SORBS2: variants seen among roughly 807,000 people sequenced by gnomAD.
SORBS2 encodes the protein sorbin and SH3 domain containing 2, also known as sorbin and SH3 domain-containing protein 2.
A neutral mutation model predicts 97.7 loss-of-function variants in SORBS2; 46 were observed. That is an observed-to-expected ratio of 0.47 (90% CI 0.37 to 0.60). SORBS2 has a LOEUF of 0.60. Ranked by LOEUF, SORBS2 falls within the 20% of genes least tolerant of loss-of-function variation. The pLI, the probability that SORBS2 is intolerant of heterozygous loss-of-function variation, is 0.00. For missense variants in SORBS2, 1,316 were observed against 1,282.3 expected (o/e 1.03, Z -0.40); for synonymous variants, 476 against 473.4 (o/e 1.01, Z -0.07).
intron 4 of SORBS2, among the ~76,000 whole-genome samples, chr4:185,631,815 A>G (rs1258572928): frequency 6.6e-6 from 1 of 152,166 alleles, no homozygotes; most frequent in Non-Finnish European, 1.5e-5. Flanking sequence ...AAAACAAAAC[A>G]AAAGTATAAA....
intron 1 of SORBS2, among the ~76,000 whole-genome samples, chr4:185,863,847 C>T (rs1017742445): frequency 6.6e-6 from 1 of 152,098 alleles, no homozygotes; most frequent in African/African-American, 2.4e-5. Context: ...TTAATTTTCT[C>T]CCCATTTTAG....
chr4:185,899,248 T>C (rs937067291), intron 1 of SORBS2, among the ~76,000 whole-genome samples: 19 of 152,064 alleles, frequency 1.2e-4, no homozygotes, highest in African/African-American at 4.6e-4. Context: ...CAGCGGATAA[T>C]CCAAGCTGGG....
intron 2 of SORBS2, chr4:185,773,913 T>G (rs2098986356): frequency 6.6e-6 from 1 of 151,932 alleles, no homozygotes; most frequent in African/African-American, 2.4e-5. Flanking sequence ...AGCAGAAGTT[T>G]CACTCGTAAA....
At chr4:185,780,035 G>A (rs752938723) in intron 1 of SORBS2, among the ~76,000 whole-genome samples, 1 of 93,788 alleles carries the variant, frequency 1.1e-5, no homozygotes, top group African/African-American at 4.0e-5. Flanking sequence ...TTTTTTTTGA[G>A]ACGGAGTTTT....
chr4:185,885,184 G>C lies in SORBS2; in HGVS notation c.-338+71012C>G, dbSNP rs979107235. On this transcript the variant is annotated intron_variant, in intron 1 of 20. Transcript: ENST00000284776. ...CTGTTAAGGCGTAAGCTAGAAGTAAGTGGTCTTTGTAGCCCTCTGATGGCT... is the reference window on the plus strand; with the variant it reads ...CTGTTAAGGCGTAAGCTAGAAGTAACTGGTCTTTGTAGCCCTCTGATGGCT... Among the ~76,000 whole-genome samples the C allele has an allele frequency of 7.8e-4, 119 of 152,226 alleles. 1 individual carries two copies. The highest frequency in any genetic ancestry group is 8.8e-5 in the Non-Finnish European group (6 of 68,046).
intron 1 of SORBS2, among the ~76,000 whole-genome samples, chr4:185,868,266 C>T (rs2099228365): frequency 6.7e-6 from 1 of 150,348 alleles, no homozygotes; most frequent in Non-Finnish European, 1.5e-5. Flanking sequence ...AAGCGATTCT[C>T]CTGCCTCAGC....
intron 2 of SORBS2, among the ~76,000 whole-genome samples, chr4:185,747,056 C>T (rs2098766112): frequency 6.6e-6 from 1 of 152,116 alleles, no homozygotes; most frequent in South Asian, 2.1e-4. Flanking sequence ...GCACTCCAGC[C>T]TGGGCAACAG....
chr4:185,621,231 T>G (rs1561461111), intron 7 of SORBS2, among the ~76,000 whole-genome samples: 1 of 152,224 alleles, frequency 6.6e-6, no homozygotes, highest in African/African-American at 2.4e-5. Context: ...TTGACTACTT[T>G]GATGATGTAA....
chr4:185,692,824 A>G (rs1457639728), intron 2 of SORBS2, among the ~76,000 whole-genome samples: 1 of 150,178 alleles, frequency 6.7e-6, no homozygotes, highest in Admixed American at 6.7e-5. Context: ...ACACACACGT[A>G]TATTTGCCTA....
intron 1 of SORBS2, among the ~76,000 whole-genome samples, chr4:185,956,027 A>AT (rs1411163236): frequency 6.6e-6 from 1 of 152,258 alleles, no homozygotes; most frequent in African/African-American, 2.4e-5. Flanking sequence ...GTGTTCCTTT[A>AT]TTCTGCTTAG....
At chr4:185,754,218 G>A (rs907625026) in intron 2 of SORBS2, among the ~76,000 whole-genome samples, 1 of 152,132 alleles carries the variant, frequency 6.6e-6, no homozygotes, top group South Asian at 2.1e-4. Context: ...AATTCTACAT[G>A]TTCTCAAGTA....
intron 1 of SORBS2, among the ~76,000 whole-genome samples, chr4:185,908,336 AAT>A (rs1271636759): frequency 2.3e-5 from 3 of 132,622 alleles, no homozygotes; most frequent in South Asian, 2.4e-4. Flanking sequence ...TATACACACA[AAT>A]ATATATATAT....
intron 2 of SORBS2, among the ~76,000 whole-genome samples, chr4:185,718,230 GA>G (rs71593645): frequency 0.014 from 1,818 of 134,594 alleles, 42 homozygotes; most frequent in African/African-American, 0.047. Flanking sequence ...CTGTCTCAAA[GA>G]AAAAAAAAAA....
At chr4:185,751,667 A>C (rs1378097796) in intron 2 of SORBS2, among the ~76,000 whole-genome samples, 1 of 152,152 alleles carries the variant, frequency 6.6e-6, no homozygotes, top group Non-Finnish European at 1.5e-5. Context: ...GCACACGTAC[A>C]CATGAACGAA....
chr4:185,757,319 T>C (rs2098837388), intron 2 of SORBS2: 1 of 190,362 alleles, frequency 5.3e-6, no homozygotes, highest in Admixed American at 5.6e-5. Flanking sequence ...GGACAGGAAA[T>C]GCACCTATGT....
chr4:185,939,699 G>C lies in SORBS2; in HGVS notation c.-338+16497C>G, dbSNP rs1254770568. Among the ~76,000 whole-genome samples the C allele has an allele frequency of 4.6e-5, 7 of 152,082 alleles. No homozygotes were observed. In the East Asian group the frequency reaches 9.7e-4, roughly 21 times the overall value. On this transcript the variant is annotated intron_variant, in intron 1 of 20. Coordinates refer to the SORBS2 transcript ENST00000284776. ...CTAATTTTGTATTTTTAGTAGACAG[G>C]GTTTCTCCTAAAGTTGGTCAGGCTG...
chr4:185,728,071 A>G (rs1234664390), intron 2 of SORBS2, among the ~76,000 whole-genome samples: 2 of 152,178 alleles, frequency 1.3e-5, no homozygotes, highest in African/African-American at 2.4e-5. Context: ...GTTCAAAAAC[A>G]TATTTCTATT....
chr4:185,704,982 C>T (rs1399363370), intron 2 of SORBS2, among the ~76,000 whole-genome samples: 1 of 152,170 alleles, frequency 6.6e-6, no homozygotes, highest in Non-Finnish European at 1.5e-5. Flanking sequence ...GATGATGTTC[C>T]AGTGTCACAC....
At chr4:185,677,125 A>AAAGG (rs1329024943) in intron 4 of SORBS2, 3 of 1,551,634 alleles carry the variant, frequency 1.9e-6, no homozygotes, top group Admixed American at 2.0e-5. Flanking sequence ...TCCTGTCCTG[A>AAAGG]AAGGGGAGCT....
Sources: allele counts gnomAD v4.1 joint callset (sites outside exome capture counted in the v4.1 genomes callset), GRCh38; gene constraint gnomAD v4.1.1; transcripts MANE v1.5; gene names NCBI Gene and HGNC (gene_info 2026-07-23, HGNC 2026-07-21).